The following HERC1 variants were observed in gnomAD, a reference collection of about 807,000 sequenced individuals.
HERC1 encodes HECT and RLD domain containing E3 ubiquitin protein ligase family member 1, also known as probable E3 ubiquitin-protein ligase HERC1.
In HERC1, 160 loss-of-function variants were observed where a neutral mutation model predicts 554.3. The ratio of observed to expected loss-of-function variants is 0.29; its 90% confidence interval spans 0.25 to 0.33. The LOEUF is 0.33. Among genes scored for constraint, HERC1 ranks in the 10% least tolerant of loss-of-function variants. The probability of loss-of-function intolerance (pLI) is 1.00; values close to 1 mark genes in which losing one functional copy is unlikely to be tolerated. For missense variants in HERC1, 4,919 were observed against 5,918.5 expected (o/e 0.83, Z 5.54); for synonymous variants, 2,175 against 2,131.7 (o/e 1.02, Z -0.56).
At chr15:63,794,979 T>C (rs1279875713) in intron 1 of HERC1, among the ~76,000 whole-genome samples, 1 of 150,728 alleles carries the variant, frequency 6.6e-6, no homozygotes, top group Non-Finnish European at 1.5e-5. Context: ...GGCAGGAGAA[T>C]TGTTTGAACC....
rs1285472135 is a variant in HERC1 at position 63,622,867 on chromosome 15, G to C, written c.13636C>G (p.Leu4546Val). The C allele has an allele frequency of 1.4e-5, 22 of 1,602,254 alleles. No individual in the cohort carries two copies. Among genetic ancestry groups the C allele is most frequent in the Non-Finnish European group, 1.8e-5 (21 of 1,175,382 alleles). Reference sequence around the variant, plus strand: ...GTGGCATTGGGAGAGGGTATAAGAAGGTCAACAATACCAGTTTCAAGTTCC... The same window carrying C: ...GTGGCATTGGGAGAGGGTATAAGAACGTCAACAATACCAGTTTCAAGTTCC... The part of the protein sequence containing the change: ...CQELETGIVD[L>V]LIPSPNATAE... The change falls in exon 74 of 78, where the codon CTT (leucine) becomes GTT (valine). Residue 4546 changes from leucine (L) to valine (V), a missense_variant. Leu to Val is a conservative substitution (Grantham distance 32). Around this residue, in one of 11 missense-constraint regions of HERC1, gnomAD observed 284 missense variants for 294.1 expected, o/e 0.97. Transcript: ENST00000443617.
intron 1 of HERC1, among the ~76,000 whole-genome samples, chr15:63,797,684 T>A (rs1006811600): frequency 6.6e-6 from 1 of 152,240 alleles, no homozygotes; most frequent in African/African-American, 2.4e-5. Flanking sequence ...CTCCTGTCAA[T>A]TAAACTCTTC....
intron 2 of HERC1, among the ~76,000 whole-genome samples, chr15:63,773,774 C>T (rs1596217610): frequency 6.6e-6 from 1 of 151,964 alleles, no homozygotes; most frequent in Non-Finnish European, 1.5e-5. Context: ...AAACTCCTGG[C>T]CTCAAGTGAT....
chr15:63,614,974 G>A (rs141348087), intron 76 of HERC1, among the ~76,000 whole-genome samples: 122 of 152,346 alleles, frequency 8.0e-4, no homozygotes, highest in African/African-American at 2.9e-3. Flanking sequence ...TGGTGACCTG[G>A]AGGTAAGCTT....
chr15:63,752,902 A>T, intron 8 of HERC1, 56 bp downstream of exon 8: 1 of 1,459,808 alleles, frequency 6.9e-7, no homozygotes, highest in Non-Finnish European at 9.3e-7. Flanking sequence ...ATTACTTTTT[A>T]GTCACCTAAT....
Position 63,718,457 on chromosome 15 carries a change from A to G in HERC1, c.3978+117T>C. ...TTTTCTGCTAGGAAAAGAACTACTCAACATGTATTGAACATATGCAATAAC... is the reference window on the plus strand; with the variant it reads ...TTTTCTGCTAGGAAAAGAACTACTCGACATGTATTGAACATATGCAATAAC... On this transcript the variant is annotated intron_variant, in intron 21 of 77. Transcript: ENST00000443617. The surrounding 1 kb of genome is among the most constrained non-coding windows in gnomAD (Gnocchi z 4.2). 3 of 884,022 alleles carry G rather than the reference A, an allele frequency of 3.4e-6. No homozygotes were observed. The highest frequency in any genetic ancestry group is 4.8e-5 in the South Asian group (2 of 41,718). The allele number at this position is 884,022 out of a possible 1,614,324, so 54.8% of individuals were successfully genotyped here. A position where few individuals can be genotyped will look rare whatever the true frequency, so the allele number is the denominator to read the frequency against.
intron 2 of HERC1, among the ~76,000 whole-genome samples, chr15:63,768,070 G>A (rs986325044): frequency 6.6e-6 from 1 of 152,080 alleles, no homozygotes; most frequent in Admixed American, 6.6e-5. Flanking sequence ...TCACTTCTCA[G>A]ATAGCTTTCA....
chr15:63,625,273 G>A (rs2068253874), intron 71 of HERC1, among the ~76,000 whole-genome samples: 1 of 152,148 alleles, frequency 6.6e-6, no homozygotes, highest in African/African-American at 2.4e-5. Flanking sequence ...AGAGAAAAAA[G>A]TATCTGAAAT....
intron 75 of HERC1, among the ~76,000 whole-genome samples, 160 bp from the exon 76 acceptor site, chr15:63,616,080 G>A (rs537704865): frequency 1.3e-5 from 2 of 152,318 alleles, no homozygotes; most frequent in African/African-American, 2.4e-5. Flanking sequence ...TTGATCAGCA[G>A]GAATGTGATG....
intron 1 of HERC1, among the ~76,000 whole-genome samples, chr15:63,830,183 G>A (rs57329632): frequency 0.26 from 40,212 of 152,054 alleles, 5,837 homozygotes; most frequent in Middle Eastern, 0.38. Flanking sequence ...GAACAATAAA[G>A]GGAAGAATAG....
rs912685595 is a variant in HERC1, at chr15:63,645,408, A to G, written c.11078+75T>C. 2.4e-5 allele frequency: 26 copies of G among 1,086,752 alleles called. No homozygotes were observed. The Admixed American group carries it at 6.9e-4, about 29-fold the overall frequency. 67.3% of individuals were successfully genotyped at this position (1,086,752 alleles called of 1,614,324 possible). On this transcript the variant is annotated intron_variant, in intron 56 of 77. Transcript: ENST00000443617. ...CAATAAACTCTTTAAGACTACTGAG[A>G]AGCCACACTTAATGCAGATAACAGT... is the stretch of plus-strand genomic sequence containing the variant.
rs988569397 is a variant in HERC1 at position 63,719,023 on chromosome 15, C to T, written c.3743-126G>A. On this transcript the variant is annotated intron_variant, in intron 19 of 77. Coordinates refer to ENST00000443617, the MANE Select transcript of HERC1 (RefSeq NM_003922.4). ...TTTCTAAACTGTTACTTAACAAATG[C>T]ACCTCATTAGATCCCACTTACTGTT... 21 of 638,468 alleles carry T rather than the reference C, an allele frequency of 3.3e-5. No individual in the cohort carries two copies. The East Asian group carries it at 4.4e-4, about 13-fold the overall frequency. The allele number at this position is 638,468 out of a possible 1,614,324, so 39.6% of individuals were successfully genotyped here.
At chr15:63,705,504 A>C (rs1281875340) in intron 25 of HERC1, among the ~76,000 whole-genome samples, 1 of 151,602 alleles carries the variant, frequency 6.6e-6, no homozygotes, top group Non-Finnish European at 1.5e-5. Context: ...ATATACATGA[A>C]AATGAAAAAA....
In HERC1 at chr15:63,618,289, G is replaced by A. The variant is rs574383169; in HGVS notation, c.13689-1607C>T. The stretch of plus-strand genomic sequence containing the variant: ...TCCTTTCCCCATTTGTTTCTGTCAG[G>A]TTTGTCAAAGATCAGATAGTTGTAG... On this transcript the variant is annotated intron_variant, in intron 74 of 77. Transcript: ENST00000443617. Among the ~76,000 whole-genome samples, 9 of 152,256 alleles carry A rather than the reference G, an allele frequency of 5.9e-5. No individual in the cohort carries two copies. In the East Asian group the frequency reaches 1.7e-3, roughly 29 times the overall value.
chr15:63,669,779 A>G, intron 39 of HERC1, 81 bp from the exon 40 acceptor site: 5 of 1,301,228 alleles, frequency 3.8e-6, no homozygotes, highest in Non-Finnish European at 4.4e-6. Context: ...ATAGAAGAAT[A>G]TGCAACCTGG....
At chr15:63,682,485 T>C (rs1014150457) in intron 34 of HERC1, among the ~76,000 whole-genome samples, 2 of 152,062 alleles carry the variant, frequency 1.3e-5, no homozygotes, top group African/African-American at 4.8e-5. Flanking sequence ...CCTGACAGCT[T>C]TGAGTGTGGG....
At chr15:63,813,355 C>T (rs542910762) in intron 1 of HERC1, among the ~76,000 whole-genome samples, 197 of 149,044 alleles carry the variant, frequency 1.3e-3, no homozygotes, top group Middle Eastern at 3.4e-3. Flanking sequence ...CACACAAACT[C>T]GTAAGTACAC....
intron 77 of HERC1, 104 bp from the exon 78 acceptor site, chr15:63,609,370 G>T (rs1395442197): frequency 3.9e-6 from 4 of 1,022,102 alleles, no homozygotes; most frequent in Non-Finnish European, 5.5e-6. Context: ...AATTAACATG[G>T]CCACATGGTT....
At chr15:63,832,297 A>G (rs1421655559) in intron 1 of HERC1, among the ~76,000 whole-genome samples, 1 of 152,134 alleles carries the variant, frequency 6.6e-6, no homozygotes, top group Non-Finnish European at 1.5e-5. Context: ...GTCTCTATAC[A>G]TATATACGTA....
Sources: gnomAD v4.1 joint callset for allele counts (sites outside exome capture counted in the v4.1 genomes callset) on GRCh38, gnomAD v4.1.1 for gene constraint, gnomAD v4.1.1 regional missense constraint, Gnocchi (gnomAD v3.1) non-coding constraint, MANE v1.5 for transcripts, NCBI Gene and HGNC (gene_info 2026-07-23, HGNC 2026-07-21) for gene names.